ATAD2B: variants seen among roughly 807,000 people sequenced by gnomAD.
ATAD2B encodes the protein ATPase family AAA domain containing 2B.
In ATAD2B, 40 loss-of-function variants were observed where a neutral mutation model predicts 167.6. The observed-to-expected ratio is 0.24, with a 90% CI of 0.19 to 0.31. The LOEUF (loss-of-function observed/expected upper bound fraction) is 0.31, where lower values mean the gene tolerates loss of function less well. Among genes scored for constraint, ATAD2B ranks in the 10% least tolerant of loss-of-function variants. The probability of loss-of-function intolerance (pLI) is 1.00; values close to 1 mark genes in which losing one functional copy is unlikely to be tolerated. For synonymous variants in ATAD2B, 579 were observed against 596.5 expected, an observed-to-expected ratio of 0.97 and a Z score of 0.43; for missense variants, 1,242 against 1,757.2, an observed-to-expected ratio of 0.71 and a Z score of 5.24.
chr2:23,907,497 T>C (rs1329129645), intron 1 of ATAD2B, among the ~76,000 whole-genome samples: 2 of 152,206 alleles, frequency 1.3e-5, no homozygotes, highest in East Asian at 1.9e-4. Context: ...GAACATTCCA[T>C]GCTCATGGGT....
intron 22 of ATAD2B, among the ~76,000 whole-genome samples, chr2:23,779,198 C>T: frequency 8.8e-6 from 1 of 113,732 alleles, no homozygotes; most frequent in East Asian, 2.6e-4. Context: ...TTTTTTGAGA[C>T]AGAGTCTCGC....
chr2:23,845,660 G>A (rs1019374493), intron 13 of ATAD2B, among the ~76,000 whole-genome samples: 4 of 135,842 alleles, frequency 2.9e-5, no homozygotes, highest in Non-Finnish European at 4.6e-5. Flanking sequence ...ACACACTGCA[G>A]CCTCGACCTC....
At chr2:23,829,242 A>G (rs1479020745) in intron 14 of ATAD2B, among the ~76,000 whole-genome samples, 1 of 152,204 alleles carries the variant, frequency 6.6e-6, no homozygotes, top group African/African-American at 2.4e-5. Flanking sequence ...ATCTGGGACT[A>G]GAATTCAAAA....
intron 1 of ATAD2B, among the ~76,000 whole-genome samples, chr2:23,909,968 T>C (rs549243899): frequency 1.2e-4 from 18 of 151,808 alleles, no homozygotes; most frequent in African/African-American, 4.1e-4. Flanking sequence ...GCTCAAGCGA[T>C]CCTCTCACCT....
At chr2:23,767,885 T>C (rs767764155) in intron 22 of ATAD2B, among the ~76,000 whole-genome samples, 2 of 146,962 alleles carry the variant, frequency 1.4e-5, no homozygotes, top group Non-Finnish European at 3.0e-5. Flanking sequence ...TTTATAAAGA[T>C]GCAAAAACAA....
chr2:23,739,141 C>T, the ATAD2B span, among the ~76,000 whole-genome samples: 5 of 152,104 alleles, frequency 3.3e-5, no homozygotes, highest in African/African-American at 9.7e-5. Context: ...GACAGATCAA[C>T]GAGACAGGAA....
chr2:23,723,208 A>G, the ATAD2B span, among the ~76,000 whole-genome samples: 6 of 152,134 alleles, frequency 3.9e-5, no homozygotes, highest in East Asian at 1.2e-3. Context: ...TGTGAGAATC[A>G]CCTGAGGCCA....
chr2:23,807,319 T>C (rs913372313), intron 18 of ATAD2B, among the ~76,000 whole-genome samples: 1 of 152,058 alleles, frequency 6.6e-6, no homozygotes, highest in Non-Finnish European at 1.5e-5. Context: ...CATTCACATA[T>C]GGAGTTGAAC....
intron 2 of ATAD2B, among the ~76,000 whole-genome samples, chr2:23,894,815 C>T (rs1467836770): frequency 6.6e-6 from 1 of 152,086 alleles, no homozygotes; most frequent in Non-Finnish European, 1.5e-5. Context: ...AATCAACAGA[C>T]TATGATTCAT....
chr2:23,849,349 T>C (rs933495049), intron 13 of ATAD2B, among the ~76,000 whole-genome samples: 1 of 152,198 alleles, frequency 6.6e-6, no homozygotes, highest in Non-Finnish European at 1.5e-5. Flanking sequence ...AAGATAAACA[T>C]GGACATTTCA....
At chr2:23,807,352 C>T (rs1053275477) in intron 18 of ATAD2B, among the ~76,000 whole-genome samples, 2 of 152,058 alleles carry the variant, frequency 1.3e-5, no homozygotes, top group African/African-American at 2.4e-5. Flanking sequence ...TTTAACTGCC[C>T]AATCAAATAC....
At chr2:23,729,391 C>G in the ATAD2B span, among the ~76,000 whole-genome samples, 4 of 152,220 alleles carry the variant, frequency 2.6e-5, no homozygotes, top group Admixed American at 2.6e-4. Flanking sequence ...CAGAAGGGGA[C>G]TCGGCTTGTC....
At chr2:23,697,555 A>AATT in the ATAD2B span, 3 of 152,146 alleles carry the variant, frequency 2.0e-5, no homozygotes, top group Non-Finnish European at 2.9e-5. Context: ...CATACCCCTC[A>AATT]ATTTGTATTT....
At chr2:23,857,147 T>C (rs565843549) in intron 13 of ATAD2B, among the ~76,000 whole-genome samples, 3 of 152,234 alleles carry the variant, frequency 2.0e-5, no homozygotes, top group African/African-American at 7.2e-5. Context: ...TCTACTATTG[T>C]AGCACATAAG....
chr2:23,830,555 G>C (rs539906968), intron 14 of ATAD2B, among the ~76,000 whole-genome samples: 1 of 152,220 alleles, frequency 6.6e-6, no homozygotes, highest in South Asian at 2.1e-4. Context: ...CAACTTCAAA[G>C]TCATCAAGAT....
At chr2:23,797,258 AAAGGAGACTATTTCAAGACCTAG>A (rs1158735429) in intron 19 of ATAD2B, among the ~76,000 whole-genome samples, 3 of 152,120 alleles carry the variant, frequency 2.0e-5, no homozygotes, top group Non-Finnish European at 4.4e-5. Flanking sequence ...AAGCATTTCT[AAAGGAGACTATTTCAAGACCTAG>A]TAAGCTCAGG....
intron 1 of ATAD2B, among the ~76,000 whole-genome samples, chr2:23,902,687 A>T (rs988963455): frequency 2.6e-5 from 4 of 152,200 alleles, no homozygotes; most frequent in Non-Finnish European, 5.9e-5. Flanking sequence ...CTCAGGCATA[A>T]GGGAAATAAT....
chr2:23,805,628 T>A (rs1256874903), intron 18 of ATAD2B, among the ~76,000 whole-genome samples: 1 of 152,110 alleles, frequency 6.6e-6, no homozygotes, highest in Non-Finnish European at 1.5e-5. Context: ...AATTCCTGGG[T>A]CAAAAGGTAT....
chr2:23,847,187 A>G (rs1343803556), intron 13 of ATAD2B, among the ~76,000 whole-genome samples: 4 of 138,070 alleles, frequency 2.9e-5, no homozygotes, highest in Non-Finnish European at 6.2e-5. Context: ...CCTGGGCAAC[A>G]TGGTGAAACC....
Sources: gnomAD v4.1 joint callset for allele counts (sites outside exome capture counted in the v4.1 genomes callset) on GRCh38, gnomAD v4.1.1 for gene constraint, MANE v1.5 for transcripts, NCBI Gene and HGNC (gene_info 2026-07-23, HGNC 2026-07-21) for gene names.